Variants in MRAP2 observed in about 807,000 individuals in gnomAD.
MRAP2 encodes melanocortin-2 receptor accessory protein 2.
A neutral mutation model predicts 17.4 loss-of-function variants in MRAP2; 20 were observed. The observed-to-expected ratio is 1.15, with a 90% CI of 0.81 to 1.67. The LOEUF is 1.67. Ranked by LOEUF, MRAP2 falls within the 40% of genes most tolerant of loss-of-function variation. The pLI is 0.00. For missense variants in MRAP2, 238 were observed against 240.0 expected (o/e 0.99, Z 0.05); for synonymous variants, 96 against 88.4 (o/e 1.09, Z -0.48).
intron 3 of MRAP2, among the ~76,000 whole-genome samples, chr6:84,087,965 A>T (rs1426245908): frequency 6.6e-6 from 1 of 152,160 alleles, no homozygotes; most frequent in Non-Finnish European, 1.5e-5. Flanking sequence ...TTAGTGATAT[A>T]CAATCAGGTT....
At chr6:84,091,352 C>T (rs1164276404), downstream of MRAP2, among the ~76,000 whole-genome samples, 1 of 150,972 alleles carries the variant, frequency 6.6e-6, no homozygotes, top group Non-Finnish European at 1.5e-5. Flanking sequence ...CCTCAGCTTC[C>T]CAAGTTGCTG....
At chr6:84,097,852 AG>A in the MRAP2 span, among the ~76,000 whole-genome samples, 3 of 152,182 alleles carry the variant, frequency 2.0e-5, no homozygotes, top group African/African-American at 4.8e-5. Context: ...CTTCCATGAG[AG>A]ATGTATTCCT....
chr6:84,039,717 A>G (rs978762001), intron 1 of MRAP2, among the ~76,000 whole-genome samples: 1 of 152,214 alleles, frequency 6.6e-6, no homozygotes, highest in African/African-American at 2.4e-5. Context: ...TGCAAGGTGC[A>G]TTTGTTTTCC....
chr6:84,125,890 G>A, the MRAP2 span, among the ~76,000 whole-genome samples: 4 of 152,124 alleles, frequency 2.6e-5, no homozygotes, highest in Non-Finnish European at 1.5e-5. Flanking sequence ...TTCAAACCAA[G>A]TTAAATTTCA....
chr6:84,127,871 A>C, the MRAP2 span, among the ~76,000 whole-genome samples: 4 of 152,314 alleles, frequency 2.6e-5, no homozygotes, highest in East Asian at 7.7e-4. Context: ...CTGGAAGAGA[A>C]GAAGGGCCAC....
At chr6:84,063,031 C>T in intron 3 of MRAP2, 39 bp downstream of exon 3, 2 of 1,613,320 alleles carry the variant, frequency 1.2e-6, no homozygotes, top group South Asian at 1.1e-5. Context: ...TTAAGCCTCA[C>T]AGGAGACTGA....
chr6:84,125,005 A>G, the MRAP2 span: 2 of 1,191,396 alleles, frequency 1.7e-6, no homozygotes, highest in Non-Finnish European at 2.4e-6. Context: ...AGCTGTCCTG[A>G]CAGTGGCACA....
At position 84,067,153 on chromosome 6, in the gene MRAP2, G is replaced by A. The variant is rs535199048; in HGVS notation, c.227+4161G>A. 7.2e-5 allele frequency among the ~76,000 whole-genome samples: 11 copies of A among 151,842 alleles called. 1 individual carries two copies. The South Asian group carries it at 1.7e-3, about 23-fold the overall frequency. ...ATAAGATGTTTGCTTTTCAATTTCT[G>A]AATTACTTCACTTAGAATAACAGTC... On this transcript the variant is annotated intron_variant, in intron 3 of 3. Transcript: ENST00000257776.
chr6:84,075,356 T>A (rs1227017894), intron 3 of MRAP2, among the ~76,000 whole-genome samples: 1 of 152,164 alleles, frequency 6.6e-6, no homozygotes, highest in East Asian at 1.9e-4. Flanking sequence ...GAAGAAAGAC[T>A]GTTATAAAGC....
intron 2 of MRAP2, among the ~76,000 whole-genome samples, chr6:84,060,840 C>T (rs1475210440): frequency 6.6e-6 from 1 of 150,682 alleles, no homozygotes; most frequent in African/African-American, 2.5e-5. Flanking sequence ...CGCCTGCCAC[C>T]ACACCCGGCT....
At chr6:84,081,957 T>G (rs1358229433) in intron 3 of MRAP2, among the ~76,000 whole-genome samples, 3 of 152,238 alleles carry the variant, frequency 2.0e-5, no homozygotes, top group Admixed American at 1.3e-4. Flanking sequence ...TCCCTAGCCA[T>G]GCAGAACTAT....
the MRAP2 span, among the ~76,000 whole-genome samples, chr6:84,115,946 C>T: frequency 2.8e-4 from 42 of 152,254 alleles, 1 homozygote; most frequent in East Asian, 2.9e-3. Flanking sequence ...GAACCAAGTA[C>T]CTCAGTTGGA....
chr6:84,135,592 G>A, the MRAP2 span, among the ~76,000 whole-genome samples: 1 of 151,982 alleles, frequency 6.6e-6, no homozygotes, highest in Non-Finnish European at 1.5e-5. Flanking sequence ...GCTGGTCGTG[G>A]TGGCTCACGC....
intron 1 of MRAP2, among the ~76,000 whole-genome samples, chr6:84,046,520 G>A (rs1426673917): frequency 6.6e-6 from 1 of 152,078 alleles, no homozygotes; most frequent in Non-Finnish European, 1.5e-5. Context: ...GGTGGCTCAT[G>A]TCTGTAATCC....
chr6:84,137,817 GAGTCTT>G, the MRAP2 span, among the ~76,000 whole-genome samples: 1 of 152,000 alleles, frequency 6.6e-6, no homozygotes, highest in South Asian at 2.1e-4. Flanking sequence ...TAAAACTCTA[GAGTCTT>G]AAAAAAACCC....
intron 3 of MRAP2, among the ~76,000 whole-genome samples, chr6:84,082,366 G>A (rs1407898982): frequency 6.6e-6 from 1 of 152,042 alleles, no homozygotes; most frequent in Non-Finnish European, 1.5e-5. Context: ...TTTAGCAAAG[G>A]CTTATAGATA....
chr6:84,096,190 A>G, the MRAP2 span, among the ~76,000 whole-genome samples: 3 of 152,108 alleles, frequency 2.0e-5, no homozygotes, highest in African/African-American at 4.8e-5. Flanking sequence ...CAGATGTTGT[A>G]TGTATAGGAG....
the MRAP2 span, among the ~76,000 whole-genome samples, chr6:84,136,426 T>TCC: frequency 3.3e-5 from 5 of 152,298 alleles, no homozygotes; most frequent in South Asian, 1.0e-3. Context: ...CTGAACTTAT[T>TCC]CTTCTATCAT....
chr6:84,099,600 C>A, the MRAP2 span, among the ~76,000 whole-genome samples: 2 of 152,022 alleles, frequency 1.3e-5, no homozygotes, highest in East Asian at 1.9e-4. Flanking sequence ...TTTAAAGGAG[C>A]CTGGCACCTC....
Sources: allele counts gnomAD v4.1 joint callset (sites outside exome capture counted in the v4.1 genomes callset), GRCh38; gene constraint gnomAD v4.1.1; transcripts MANE v1.5; gene names NCBI Gene and HGNC (gene_info 2026-07-23, HGNC 2026-07-21).